The following DGKI variants were observed in gnomAD, a reference collection of about 807,000 sequenced individuals.
DGKI encodes DAG kinase iota.
A neutral mutation model predicts 147.5 loss-of-function variants in DGKI; 55 were observed. The ratio of observed to expected loss-of-function variants is 0.37; its 90% CI spans 0.30 to 0.47. DGKI has a LOEUF of 0.47. Ranked by LOEUF, DGKI falls within the 20% of genes least tolerant of loss-of-function variation. The pLI is 1.00. For synonymous variants in DGKI, 469 were observed against 477.1 expected (o/e 0.98, Z 0.22); for missense variants, 1,007 against 1,323.8 (o/e 0.76, Z 3.71).
intron 1 of DGKI, among the ~76,000 whole-genome samples, chr7:137,695,550 T>C (rs1314497844): frequency 6.6e-6 from 1 of 152,220 alleles, no homozygotes; most frequent in African/African-American, 2.4e-5. Context: ...ATGTTCTCCA[T>C]GGAGCTTATG....
chr7:137,450,279 T>C (rs1393901527), intron 27 of DGKI, among the ~76,000 whole-genome samples: 1 of 152,248 alleles, frequency 6.6e-6, no homozygotes, highest in Non-Finnish European at 1.5e-5. Context: ...AGAGAGTAGA[T>C]GCTAAGTGCT....
chr7:137,585,166 G>T (rs777811342), intron 14 of DGKI, 43 bp downstream of exon 14: 32 of 1,609,618 alleles, frequency 2.0e-5, no homozygotes, highest in Non-Finnish European at 2.5e-6. Context: ...AGCTCAGGCA[G>T]ATGCTCCAGG....
At chr7:137,454,858 T>C (rs1814124906) in intron 27 of DGKI, 1 of 152,146 alleles carries the variant, frequency 6.6e-6, no homozygotes, top group African/African-American at 2.4e-5. Context: ...ACATAATCCA[T>C]CTGGATTTTG....
intron 1 of DGKI, among the ~76,000 whole-genome samples, chr7:137,730,343 C>T (rs1400966925): frequency 3.3e-5 from 5 of 152,046 alleles, no homozygotes; most frequent in East Asian, 1.9e-4. Context: ...TGAACACAGC[C>T]GACTTGGTAA....
At chr7:137,730,678 T>A (rs1341580203) in intron 1 of DGKI, among the ~76,000 whole-genome samples, 2 of 152,086 alleles carry the variant, frequency 1.3e-5, no homozygotes, top group Non-Finnish European at 2.9e-5. Context: ...TATGCATGCA[T>A]GAAACCAGCC....
At chr7:137,540,592 G>A (rs1043427303) in intron 20 of DGKI, among the ~76,000 whole-genome samples, 1 of 151,798 alleles carries the variant, frequency 6.6e-6, no homozygotes, top group Non-Finnish European at 1.5e-5. Flanking sequence ...AGGCTGAGGT[G>A]GGAAGATCAC....
Position 137,388,761 on chromosome 7 carries a change from A to G in DGKI, c.*2459T>C, listed in dbSNP as rs990825897. The G allele has an allele frequency of 6.6e-6, 1 of 151,154 alleles. No individual in the cohort carries two copies. The highest frequency in any genetic ancestry group is 1.9e-4 in the East Asian group (1 of 5,140). The allele number at this position is 151,154 out of a possible 1,614,324, so 9.4% of individuals were successfully genotyped here. On this transcript the variant is annotated 3_prime_UTR_variant, in exon 33 of 33. Transcript: ENST00000614521. ...TGGTACTTGCTTTTTTCAAAGCGAT[A>G]TATCAAATATTGGTCTCCATGAATA...
chr7:137,656,612 G>A, intron 3 of DGKI, 72 bp from the exon 4 acceptor site: 2 of 1,384,484 alleles, frequency 1.4e-6, no homozygotes, highest in Admixed American at 1.7e-5. Context: ...TAGTATTAAA[G>A]TGGGCATATA....
At position 137,578,263 on chromosome 7, in the gene DGKI, T is replaced by C. The variant is rs776304910; in HGVS notation, c.1698+7A>G. 5 of 1,598,364 alleles carry C rather than the reference T, an allele frequency of 3.1e-6. No individual in the cohort carries two copies. In the South Asian group the frequency reaches 3.3e-5, roughly 11 times the overall value. ...TGTAGTAATTATGAAATAAAATGTA[T>C]ACCTACCCCTGCATAGAACATTTTA... is the stretch of plus-strand genomic sequence containing the variant. On this transcript the variant is annotated splice_region_variant and intron_variant, in intron 16 of 32. Transcript: ENST00000614521.
At chr7:137,696,217 A>C (rs1014535285) in intron 1 of DGKI, among the ~76,000 whole-genome samples, 1 of 152,172 alleles carries the variant, frequency 6.6e-6, no homozygotes, top group Non-Finnish European at 1.5e-5. Context: ...ATTCAAACAG[A>C]AGATTTCCTC....
chr7:137,814,853 TG>T (rs1797694339), intron 1 of DGKI, among the ~76,000 whole-genome samples: 1 of 152,050 alleles, frequency 6.6e-6, no homozygotes, highest in Non-Finnish European at 1.5e-5. Flanking sequence ...AACAAAAAAA[TG>T]GTACGCTGGT....
At chr7:137,770,237 G>A (rs1343384336) in intron 1 of DGKI, among the ~76,000 whole-genome samples, 1 of 151,856 alleles carries the variant, frequency 6.6e-6, no homozygotes, top group Non-Finnish European at 1.5e-5. Context: ...AACACTGCAT[G>A]TTCTCTCTCA....
intron 1 of DGKI, among the ~76,000 whole-genome samples, chr7:137,819,716 G>A (rs1310289511): frequency 1.3e-5 from 2 of 152,106 alleles, no homozygotes; most frequent in Non-Finnish European, 2.9e-5. Context: ...CCCCAAGAAG[G>A]TGAGATCCAA....
chr7:137,753,045 T>TACACAC (rs3054913), intron 1 of DGKI, among the ~76,000 whole-genome samples: 1 of 150,126 alleles, frequency 6.7e-6, no homozygotes, highest in Non-Finnish European at 1.5e-5. Flanking sequence ...CGAATGTACA[T>TACACAC]ACACACACAC....
intron 1 of DGKI, among the ~76,000 whole-genome samples, chr7:137,813,887 T>C (rs1326899269): frequency 5.9e-5 from 9 of 152,174 alleles, no homozygotes; most frequent in Non-Finnish European, 1.3e-4. Flanking sequence ...TTGAGTGAGA[T>C]GTGGGCAAAT....
At chr7:137,746,154 G>A (rs1301314948) in intron 1 of DGKI, among the ~76,000 whole-genome samples, 1 of 152,074 alleles carries the variant, frequency 6.6e-6, no homozygotes, top group East Asian at 1.9e-4. Flanking sequence ...GGTTTTTTTG[G>A]TTTGGTTTGG....
In DGKI at chr7:137,389,340, A is replaced by G. The variant is rs897587838; in HGVS notation, c.*1880T>C. 19 of 152,184 alleles carry G rather than the reference A, an allele frequency of 1.2e-4. No homozygotes were observed. Among genetic ancestry groups the G allele is most frequent in the African/African-American group, 4.3e-4 (18 of 41,446 alleles). 9.4% of individuals were successfully genotyped at this position (152,184 alleles called of 1,614,324 possible). A position where few individuals can be genotyped will look rare whatever the true frequency, so the allele number is the denominator to read the frequency against. On this transcript the variant is annotated 3_prime_UTR_variant, in exon 33 of 33. Transcript: ENST00000614521. Reference sequence around the variant, plus strand: ...CTCCCACCAACAATTTGATTTTGAAATGACTATGGAAAGACTGTGGTAATA... The same window carrying G: ...CTCCCACCAACAATTTGATTTTGAAGTGACTATGGAAAGACTGTGGTAATA...
chr7:137,799,506 G>C (rs1797131605), intron 1 of DGKI, among the ~76,000 whole-genome samples: 1 of 152,164 alleles, frequency 6.6e-6, no homozygotes, highest in African/African-American at 2.4e-5. Flanking sequence ...TATATAAATT[G>C]TATCTCATAA....
intron 6 of DGKI, among the ~76,000 whole-genome samples, chr7:137,633,565 C>G (rs962234968): frequency 3.3e-5 from 5 of 152,170 alleles, no homozygotes; most frequent in African/African-American, 9.7e-5. Flanking sequence ...CTAAAGGAAG[C>G]AGGAGGCAGA....
Sources: gnomAD v4.1 joint callset for allele counts (sites outside exome capture counted in the v4.1 genomes callset) on GRCh38, gnomAD v4.1.1 for gene constraint, MANE v1.5 for transcripts, NCBI Gene and HGNC (gene_info 2026-07-23, HGNC 2026-07-21) for gene names.